Variants in NT5DC1 observed in about 807,000 individuals in gnomAD.
NT5DC1 encodes 5'-nucleotidase domain-containing protein 1.
NT5DC1 carries 42 observed loss-of-function variants against 59.4 expected under a neutral mutation model. That is an observed-to-expected ratio of 0.71 (90% CI 0.55 to 0.92). NT5DC1 has a LOEUF of 0.92. Ranked by LOEUF, NT5DC1 falls within the 40% of genes least tolerant of loss-of-function variation. NT5DC1 has a pLI of 0.00. For synonymous variants in NT5DC1, 172 were observed against 188.1 expected (o/e 0.91, Z 0.70); for missense variants, 501 against 537.1 (o/e 0.93, Z 0.66).
chr6:116,235,035 GT>G (rs60150533), intron 8 of NT5DC1, among the ~76,000 whole-genome samples: 4,391 of 131,586 alleles, frequency 0.033, 122 homozygotes, highest in African/African-American at 0.095. Flanking sequence ...CTTGATTTGG[GT>G]TTTTTTTTTT....
At chr6:116,135,635 T>C (rs1462919530) in intron 6 of NT5DC1, among the ~76,000 whole-genome samples, 1 of 151,638 alleles carries the variant, frequency 6.6e-6, no homozygotes, top group Non-Finnish European at 1.5e-5. Context: ...TCTAGACTCA[T>C]TGGACTTTAA....
chr6:116,171,190 T>G (rs1392371668), intron 6 of NT5DC1, among the ~76,000 whole-genome samples: 1 of 152,218 alleles, frequency 6.6e-6, no homozygotes, highest in East Asian at 1.9e-4. Flanking sequence ...CCACTTATAT[T>G]ATTGTCACCA....
rs1366636268 is a variant in NT5DC1, at chr6:116,248,362, G to GTAA, written c.*4338_*4339insTAA. 1 of 152,174 alleles carries GTAA rather than the reference G, an allele frequency of 6.6e-6. No individual in the cohort carries two copies. The highest frequency in any genetic ancestry group is 6.6e-5 in the Admixed American group (1 of 15,266). 9.4% of individuals were successfully genotyped at this position (152,174 alleles called of 1,614,324 possible). A position where few individuals can be genotyped will look rare whatever the true frequency, so the allele number is the denominator to read the frequency against. ...CTTTTGAGGAGATTGTGAAGCCAGG[G>GTAA]AATAAGTAACTGAAACAAGATCAAA... On this transcript the variant is annotated 3_prime_UTR_variant, in exon 12 of 12. Coordinates refer to ENST00000319550, the MANE Select transcript of NT5DC1 (RefSeq NM_152729.3).
chr6:116,176,242 C>T (rs1780732260), intron 6 of NT5DC1, among the ~76,000 whole-genome samples: 1 of 152,158 alleles, frequency 6.6e-6, no homozygotes, highest in Non-Finnish European at 1.5e-5. Context: ...AGGATTACTG[C>T]TCCAGCTAAT....
chr6:116,239,331 C>T (rs1215085546), intron 11 of NT5DC1, among the ~76,000 whole-genome samples: 2 of 152,066 alleles, frequency 1.3e-5, no homozygotes, highest in African/African-American at 4.8e-5. Flanking sequence ...TTTAAGTCAG[C>T]TTGGAGGCAT....
intron 6 of NT5DC1, among the ~76,000 whole-genome samples, chr6:116,143,100 A>G (rs1041762360): frequency 1.5e-4 from 23 of 152,356 alleles, no homozygotes; most frequent in Admixed American, 6.5e-4. Flanking sequence ...ATATTTAGAA[A>G]TAATATTAAA....
In NT5DC1 at chr6:116,163,068, AG is replaced by A. The variant is rs369189532; in HGVS notation, c.529+45124del. On this transcript the variant is annotated intron_variant, in intron 6 of 11. Coordinates refer to ENST00000319550, the MANE Select transcript of NT5DC1 (RefSeq NM_152729.3). ...CGTGAACCCGGGAGGTGGAGCTTGC[AG>A]TGAGCCGAGATCGTGCCACTGCACT... Among the ~76,000 whole-genome samples, 497 of 145,722 alleles carry A rather than the reference AG, an allele frequency of 3.4e-3. 14 individuals are homozygous for A. In the South Asian group the frequency reaches 0.045, roughly 13 times the overall value.
intron 3 of NT5DC1, among the ~76,000 whole-genome samples, chr6:116,109,995 A>G (rs7760984): frequency 0.01 from 1,524 of 152,294 alleles, 30 homozygotes; most frequent in African/African-American, 0.034. Context: ...ACATATCCCT[A>G]TGTGTACTAT....
At chr6:116,148,816 A>C (rs1176775554) in intron 6 of NT5DC1, among the ~76,000 whole-genome samples, 1 of 152,174 alleles carries the variant, frequency 6.6e-6, no homozygotes, top group Non-Finnish European at 1.5e-5. Flanking sequence ...GTTACAGGTA[A>C]GTCATTTCTA....
intron 6 of NT5DC1, among the ~76,000 whole-genome samples, chr6:116,161,894 A>T (rs149084131): frequency 6.6e-6 from 1 of 152,088 alleles, no homozygotes; most frequent in East Asian, 1.9e-4. Context: ...TGTGTCATCT[A>T]CAGTTTCATT....
At chr6:116,162,885 T>C (rs1780367468) in intron 6 of NT5DC1, among the ~76,000 whole-genome samples, 2 of 151,998 alleles carry the variant, frequency 1.3e-5, no homozygotes, top group Admixed American at 6.6e-5. Context: ...CCCAGCACTT[T>C]GGGAGGCCAA....
At chr6:116,208,785 G>A (rs1270156432) in intron 6 of NT5DC1, among the ~76,000 whole-genome samples, 1 of 151,968 alleles carries the variant, frequency 6.6e-6, no homozygotes, top group Non-Finnish European at 1.5e-5. Flanking sequence ...AAAATAAAGT[G>A]TGCTAAAATC....
chr6:116,156,916 G>C (rs962400804), intron 6 of NT5DC1, among the ~76,000 whole-genome samples: 4 of 152,120 alleles, frequency 2.6e-5, no homozygotes, highest in Admixed American at 1.3e-4. Context: ...GCTTGTGTAA[G>C]TAGCCCCTGG....
chr6:116,209,094 TA>T (rs1489787230), intron 6 of NT5DC1, among the ~76,000 whole-genome samples: 1 of 152,048 alleles, frequency 6.6e-6, no homozygotes, highest in Admixed American at 6.6e-5. Context: ...TACTTTCTAG[TA>T]ATAGTGCATT....
chr6:116,184,067 A>G (rs1165019807), intron 6 of NT5DC1, among the ~76,000 whole-genome samples: 2 of 152,092 alleles, frequency 1.3e-5, no homozygotes, highest in East Asian at 1.9e-4. Context: ...ACCTTGAGGT[A>G]TGTCCCTTCT....
chr6:116,234,701 AAAG>A (rs1304096146), intron 8 of NT5DC1, among the ~76,000 whole-genome samples: 1 of 152,226 alleles, frequency 6.6e-6, no homozygotes, highest in Non-Finnish European at 1.5e-5. Flanking sequence ...TTGACCTTAC[AAAG>A]AAGTACAGTG....
At chr6:116,213,879 C>T (rs1302838065) in intron 6 of NT5DC1, among the ~76,000 whole-genome samples, 1 of 151,910 alleles carries the variant, frequency 6.6e-6, no homozygotes. Flanking sequence ...GTGCCAAGCA[C>T]TATGAGATGG....
chr6:116,242,341 CAAAATA>C (rs1313241663), intron 11 of NT5DC1, among the ~76,000 whole-genome samples: 12 of 151,466 alleles, frequency 7.9e-5, no homozygotes, highest in Non-Finnish European at 1.0e-4. Flanking sequence ...ACTCTTGTCT[CAAAATA>C]AAAATAAAAA....
intron 6 of NT5DC1, among the ~76,000 whole-genome samples, chr6:116,145,999 T>C (rs1779890262): frequency 6.6e-6 from 1 of 152,198 alleles, no homozygotes; most frequent in Non-Finnish European, 1.5e-5. Flanking sequence ...CTTACTTACT[T>C]CTGGAAAGCA....
Sources: gnomAD v4.1 joint callset for allele counts (sites outside exome capture counted in the v4.1 genomes callset) on GRCh38, gnomAD v4.1.1 for gene constraint, MANE v1.5 for transcripts, NCBI Gene and HGNC (gene_info 2026-07-23, HGNC 2026-07-21) for gene names.